The following PTPRM variants were observed in gnomAD, a reference collection of about 807,000 sequenced individuals.
PTPRM encodes the protein protein tyrosine phosphatase receptor type M.
In PTPRM, 47 loss-of-function variants were observed where a neutral mutation model predicts 186.7. The observed-to-expected ratio is 0.25, with a 90% CI of 0.20 to 0.32. PTPRM has a LOEUF of 0.32. Ranked by LOEUF, PTPRM falls within the 10% of genes least tolerant of loss-of-function variation. The pLI, the probability that PTPRM is intolerant of heterozygous loss-of-function variation, is 1.00. For synonymous variants in PTPRM, 668 were observed against 674.9 expected, an observed-to-expected ratio of 0.99 and a Z score of 0.16; for missense variants, 1,494 against 1,865.0, an observed-to-expected ratio of 0.80 and a Z score of 3.66.
intron 7 of PTPRM, among the ~76,000 whole-genome samples, chr18:8,019,745 T>G (rs1175618344): frequency 1.3e-5 from 2 of 148,316 alleles, no homozygotes; most frequent in East Asian, 3.9e-4. Flanking sequence ...AATATATAAT[T>G]TATAAACATT....
intron 1 of PTPRM, among the ~76,000 whole-genome samples, chr18:7,640,169 A>G: frequency 6.6e-6 from 1 of 152,186 alleles, no homozygotes; most frequent in Admixed American, 6.5e-5. Flanking sequence ...TGTTAATAAA[A>G]TATTATATAA....
intron 7 of PTPRM, among the ~76,000 whole-genome samples, chr18:7,958,760 T>C (rs900836463): frequency 3.9e-5 from 6 of 152,198 alleles, no homozygotes; most frequent in African/African-American, 1.4e-4. Context: ...CTTTGGGCAG[T>C]GAAGGTCTGC....
In PTPRM at chr18:7,568,469, A is replaced by G. The variant is rs2036488088; in HGVS notation, c.73+578A>G. Among the ~76,000 whole-genome samples, 1 of 151,784 alleles carries G rather than the reference A, an allele frequency of 6.6e-6. No individual in the cohort carries two copies. The highest frequency in any genetic ancestry group is 2.4e-5 in the African/African-American group (1 of 41,382). On this transcript the variant is annotated intron_variant, in intron 1 of 32. Coordinates refer to ENST00000580170, the MANE Select transcript of PTPRM (RefSeq NM_001105244.2). The surrounding 1 kb of genome is among the most constrained non-coding windows in gnomAD (Gnocchi z 5.1). ...CCCCGGGAGGTCCCCGCGGTCGTGCAGCGTCTGCGGAGAGGCTGGGGGGAG... is the reference window on the plus strand; with the variant it reads ...CCCCGGGAGGTCCCCGCGGTCGTGCGGCGTCTGCGGAGAGGCTGGGGGGAG...
Position 7,773,113 on chromosome 18 carries a change from GT to G in PTPRM, c.74-1026del, listed in dbSNP as rs889927866. ...TATTTTGCATTTTCTATTATTCTTT[GT>G]TTTTTTTTTAAGTAGTTTCATTTCT... On this transcript the variant is annotated intron_variant, in intron 1 of 32. Transcript: ENST00000580170. Among the ~76,000 whole-genome samples, 89 of 148,424 alleles carry G rather than the reference GT, an allele frequency of 6.0e-4. 2 individuals are homozygous for G. Among genetic ancestry groups the G allele is most frequent in the East Asian group, 3.1e-3 (16 of 5,086 alleles).
At chr18:7,602,647 A>G (rs1342697251) in intron 1 of PTPRM, among the ~76,000 whole-genome samples, 1 of 151,620 alleles carries the variant, frequency 6.6e-6, no homozygotes, top group Non-Finnish European at 1.5e-5. Context: ...GACTGTGGCA[A>G]TGCTTTTTTT....
At chr18:7,871,683 C>A (rs562397132) in intron 2 of PTPRM, among the ~76,000 whole-genome samples, 1 of 152,142 alleles carries the variant, frequency 6.6e-6, no homozygotes, top group Non-Finnish European at 1.5e-5. Context: ...CTCTAAAGAG[C>A]TGTCACTAGC....
chr18:7,824,723 G>A (rs935211921), intron 2 of PTPRM, among the ~76,000 whole-genome samples: 2 of 152,108 alleles, frequency 1.3e-5, no homozygotes, highest in African/African-American at 4.8e-5. Context: ...CCAAACTGTG[G>A]TTAAAACATG....
intron 31 of PTPRM, among the ~76,000 whole-genome samples, chr18:8,393,826 TTG>T: frequency 6.6e-6 from 1 of 152,238 alleles, no homozygotes; most frequent in South Asian, 2.1e-4. Flanking sequence ...TCTCGCTCTG[TTG>T]CCCAGGCTGG....
intron 1 of PTPRM, among the ~76,000 whole-genome samples, chr18:7,637,167 C>CA (rs11296631): frequency 0.22 from 15,724 of 71,700 alleles, 1,497 homozygotes; most frequent in East Asian, 0.4. Context: ...GACCCTGACT[C>CA]AAAAAAAAAA....
At chr18:8,099,739 A>T (rs1213168142) in intron 11 of PTPRM, among the ~76,000 whole-genome samples, 1 of 152,218 alleles carries the variant, frequency 6.6e-6, no homozygotes, top group Non-Finnish European at 1.5e-5. Flanking sequence ...AATCTCTCTG[A>T]TGTAAACAAT....
At chr18:7,749,962 T>C (rs1407687898) in intron 1 of PTPRM, among the ~76,000 whole-genome samples, 1 of 152,244 alleles carries the variant, frequency 6.6e-6, no homozygotes, top group Non-Finnish European at 1.5e-5. Flanking sequence ...GCCTGCTGTC[T>C]ACCATTATAA....
At chr18:7,893,346 C>T (rs188206666) in intron 3 of PTPRM, among the ~76,000 whole-genome samples, 1 of 152,262 alleles carries the variant, frequency 6.6e-6, no homozygotes, top group Admixed American at 6.5e-5. Flanking sequence ...GTAATCTGGC[C>T]TTTTAGTTTC....
chr18:8,072,978 C>T (rs1299683566), intron 8 of PTPRM, among the ~76,000 whole-genome samples: 1 of 150,378 alleles, frequency 6.6e-6, no homozygotes, highest in Non-Finnish European at 1.5e-5. Flanking sequence ...TTAGGGTTTC[C>T]TGTCAACTAT....
intron 7 of PTPRM, among the ~76,000 whole-genome samples, chr18:8,000,045 G>A (rs1337956907): frequency 6.6e-6 from 1 of 152,188 alleles, no homozygotes; most frequent in Non-Finnish European, 1.5e-5. Flanking sequence ...GTCAGGCAAG[G>A]GGAATTACCA....
chr18:7,867,836 C>T (rs1599164437), intron 2 of PTPRM, among the ~76,000 whole-genome samples: 1 of 152,282 alleles, frequency 6.6e-6, no homozygotes, highest in South Asian at 2.1e-4. Context: ...GTACACCAAT[C>T]AAGCATAGGT....
At chr18:8,240,938 C>T (rs1220598588) in intron 14 of PTPRM, among the ~76,000 whole-genome samples, 2 of 152,316 alleles carry the variant, frequency 1.3e-5, no homozygotes, top group East Asian at 3.9e-4. Context: ...CACTTTCTGT[C>T]CCTGTGTCAA....
chr18:8,157,294 A>C (rs1430209464), intron 14 of PTPRM, among the ~76,000 whole-genome samples: 1 of 152,240 alleles, frequency 6.6e-6, no homozygotes, highest in Non-Finnish European at 1.5e-5. Context: ...CTCTATTGAT[A>C]ATATGCATTA....
intron 7 of PTPRM, among the ~76,000 whole-genome samples, chr18:7,990,928 T>C (rs1320950053): frequency 6.6e-6 from 1 of 152,124 alleles, no homozygotes; most frequent in Non-Finnish European, 1.5e-5. Context: ...CATGAATGAT[T>C]GCTATAGCTA....
chr18:7,572,968 C>G (rs913193453), intron 1 of PTPRM, among the ~76,000 whole-genome samples: 1 of 152,174 alleles, frequency 6.6e-6, no homozygotes, highest in African/African-American at 2.4e-5. Flanking sequence ...TGAGTTGACA[C>G]TGTAGCTCTG....
Sources: allele counts gnomAD v4.1 joint callset (sites outside exome capture counted in the v4.1 genomes callset), GRCh38; gene constraint gnomAD v4.1.1; non-coding constraint Gnocchi (gnomAD v3.1); transcripts MANE v1.5; gene names NCBI Gene and HGNC (gene_info 2026-07-23, HGNC 2026-07-21).